PIKFYVE: variants seen among roughly 807,000 people sequenced by gnomAD.
PIKFYVE encodes 1-phosphatidylinositol 3-phosphate 5-kinase.
PIKFYVE carries 122 observed loss-of-function variants against 257.9 expected under a neutral mutation model. The observed-to-expected ratio is 0.47, with a 90% CI of 0.41 to 0.55. The LOEUF is 0.55. Among genes scored for constraint, PIKFYVE ranks in the 20% least tolerant of loss-of-function variants. The pLI is 0.00. For missense variants in PIKFYVE, 2,160 were observed against 2,536.6 expected (o/e 0.85, Z 3.19); for synonymous variants, 892 against 868.9 (o/e 1.03, Z -0.47).
intron 19 of PIKFYVE, 33 bp from the exon 20 acceptor site, chr2:208,325,237 C>T: frequency 6.2e-7 from 1 of 1,603,284 alleles, no homozygotes; most frequent in Non-Finnish European, 8.5e-7. Flanking sequence ...GCCACCTCCA[C>T]CATCTTAACT....
intron 7 of PIKFYVE, among the ~76,000 whole-genome samples, chr2:208,289,621 G>A (rs1204361979): frequency 6.6e-6 from 1 of 151,874 alleles, no homozygotes; most frequent in Non-Finnish European, 1.5e-5. Context: ...TAGTAGAGAC[G>A]GGGTTTCACC....
chr2:208,333,494 GT>G lies in PIKFYVE; in HGVS notation c.4142+2del. The G allele has an allele frequency of 6.2e-7, 1 of 1,612,760 alleles. No individual in the cohort carries two copies. Among genetic ancestry groups the G allele is most frequent in the Non-Finnish European group, 8.5e-7 (1 of 1,179,162 alleles). Reference sequence around the variant, plus strand: ...ATAACCAGATGGTGGCGTCTTTCAGGTAAGAAATCCTAGGAATCTTGTGCAT... The same window carrying G: ...ATAACCAGATGGTGGCGTCTTTCAGGAAGAAATCCTAGGAATCTTGTGCAT... On this transcript the variant is annotated splice_donor_variant, in intron 24 of 41. Coordinates refer to ENST00000264380, the MANE Select transcript of PIKFYVE (RefSeq NM_015040.4). LOFTEE classifies it high-confidence loss of function.
chr2:208,299,182 A>G (rs1426460139), intron 8 of PIKFYVE, among the ~76,000 whole-genome samples: 1 of 152,154 alleles, frequency 6.6e-6, no homozygotes, highest in Admixed American at 6.5e-5. Context: ...GTGAAATAGC[A>G]TATCAGTTAA....
At chr2:208,318,041 C>A in intron 16 of PIKFYVE, 100 bp downstream of exon 16, 1 of 1,216,770 alleles carries the variant, frequency 8.2e-7, no homozygotes, top group Non-Finnish European at 1.2e-6. Context: ...GGACAATGGA[C>A]AATGAAAGGC....
intron 24 of PIKFYVE, 104 bp downstream of exon 24, chr2:208,333,597 C>A (rs1253468888): frequency 1.6e-6 from 2 of 1,241,860 alleles, no homozygotes; most frequent in African/African-American, 3.0e-5. Context: ...TTGTGGGATT[C>A]CCCATTTATA....
chr2:208,317,799 G>A lies in PIKFYVE; in HGVS notation c.2008-68G>A, dbSNP rs549369845. 508 of 1,366,828 alleles carry A rather than the reference G, an allele frequency of 3.7e-4. 3 individuals are homozygous for A. The Middle Eastern group carries it at 6.2e-3, about 17-fold the overall frequency. 84.7% of individuals were successfully genotyped at this position (1,366,828 alleles called of 1,614,324 possible). Reference sequence around the variant, plus strand: ...TTAAAAAAAATGGAAAGAAATAATAGCGTACATCTAACTAGATTCTAAGCA... The same window carrying A: ...TTAAAAAAAATGGAAAGAAATAATAACGTACATCTAACTAGATTCTAAGCA... On this transcript the variant is annotated intron_variant, in intron 15 of 41. Transcript: ENST00000264380.
At chr2:208,303,793 G>A (rs115016052) in intron 10 of PIKFYVE, among the ~76,000 whole-genome samples, 1 of 152,122 alleles carries the variant, frequency 6.6e-6, no homozygotes, top group South Asian at 2.1e-4. Flanking sequence ...TCCAAATATT[G>A]GTGTGGCATG....
intron 19 of PIKFYVE, 67 bp from the exon 20 acceptor site, chr2:208,325,199 GAATT>G (rs1380890195): frequency 1.9e-6 from 3 of 1,561,646 alleles, no homozygotes; most frequent in Non-Finnish European, 2.6e-6. Flanking sequence ...TTAAGAGAGT[GAATT>G]AATTCTATTT....
intron 5 of PIKFYVE, 130 bp downstream of exon 5, chr2:208,277,838 G>A (rs1690307013): frequency 1.1e-6 from 1 of 930,034 alleles, no homozygotes; most frequent in Non-Finnish European, 1.7e-6. Context: ...CAAAGGTGAG[G>A]GAGACAGCTT....
chr2:208,333,796 A>T (rs1697825725), intron 24 of PIKFYVE, among the ~76,000 whole-genome samples: 2 of 152,180 alleles, frequency 1.3e-5, no homozygotes, highest in South Asian at 4.1e-4. Flanking sequence ...CTCTTTTTTT[A>T]AAAAAAGTTT....
intron 2 of PIKFYVE, among the ~76,000 whole-genome samples, chr2:208,272,691 A>C (rs1360827177): frequency 6.6e-6 from 1 of 152,154 alleles, no homozygotes; most frequent in Non-Finnish European, 1.5e-5. Context: ...TAATAGTGTT[A>C]ATTAACTCAG....
chr2:208,332,818 A>C (rs1313113330), intron 23 of PIKFYVE, among the ~76,000 whole-genome samples: 2 of 152,020 alleles, frequency 1.3e-5, no homozygotes, highest in Non-Finnish European at 2.9e-5. Context: ...TAGTATATTG[A>C]TGTTGTTGGT....
intron 5 of PIKFYVE, among the ~76,000 whole-genome samples, chr2:208,281,437 C>T (rs951495521): frequency 6.6e-6 from 1 of 152,140 alleles, no homozygotes; most frequent in Non-Finnish European, 1.5e-5. Context: ...TATCCATTCC[C>T]ACATGTATTT....
At chr2:208,323,848 C>T (rs1696597722) in intron 17 of PIKFYVE, among the ~76,000 whole-genome samples, 1 of 152,182 alleles carries the variant, frequency 6.6e-6, no homozygotes, top group South Asian at 2.1e-4. Context: ...ATTTGCATTT[C>T]TCTGATGGCC....
Position 208,305,278 on chromosome 2 carries a change from C to T in PIKFYVE, c.1636+265C>T, listed in dbSNP as rs1694188216. On this transcript the variant is annotated intron_variant, in intron 12 of 41. Transcript: ENST00000264380. ...TTAAAAGGAACTACATCTGACTGCTCTTCCCATAATGTGCAACTTCCAAGG... is the reference window on the plus strand; with the variant it reads ...TTAAAAGGAACTACATCTGACTGCTTTTCCCATAATGTGCAACTTCCAAGG... 4 of 1,328,862 alleles carry T rather than the reference C, an allele frequency of 3.0e-6. No homozygotes were observed. The African/African-American group carries it at 4.4e-5, about 15-fold the overall frequency. 82.3% of individuals were successfully genotyped at this position (1,328,862 alleles called of 1,614,324 possible). A position where few individuals can be genotyped will look rare whatever the true frequency, so the allele number is the denominator to read the frequency against.
intron 5 of PIKFYVE, among the ~76,000 whole-genome samples, chr2:208,284,303 C>G (rs1289972898): frequency 2.0e-5 from 3 of 150,892 alleles, no homozygotes; most frequent in Admixed American, 1.3e-4. Context: ...TTTTATTGCC[C>G]AGGCTGGAGT....
At chr2:208,268,694 TTGA>T (rs1384730918) in intron 1 of PIKFYVE, among the ~76,000 whole-genome samples, 1 of 151,966 alleles carries the variant, frequency 6.6e-6, no homozygotes, top group African/African-American at 2.4e-5. Context: ...AGAAGGATTG[TTGA>T]TGATTATTCT....
intron 15 of PIKFYVE, among the ~76,000 whole-genome samples, chr2:208,316,282 A>G (rs917791867): frequency 6.6e-6 from 1 of 152,042 alleles, no homozygotes; most frequent in African/African-American, 2.4e-5. Context: ...TCATTATTGG[A>G]CATTTGGGTT....
At chr2:208,329,485 A>G (rs888389898) in intron 21 of PIKFYVE, among the ~76,000 whole-genome samples, 1 of 152,214 alleles carries the variant, frequency 6.6e-6, no homozygotes, top group African/African-American at 2.4e-5. Context: ...CAGTAAAGGC[A>G]TGGACAAGAG....
Sources: allele counts gnomAD v4.1 joint callset (sites outside exome capture counted in the v4.1 genomes callset), GRCh38; gene constraint gnomAD v4.1.1; transcripts MANE v1.5; gene names NCBI Gene and HGNC (gene_info 2026-07-23, HGNC 2026-07-21).